Variants in CLASP1 observed in about 807,000 individuals in gnomAD.
CLASP1 encodes the protein cytoplasmic linker associated protein 1, also known as CLIP-associating protein 1.
In CLASP1, 38 loss-of-function variants were observed where a neutral mutation model predicts 192.3. The observed-to-expected ratio is 0.20, with a 90% CI of 0.15 to 0.26. CLASP1 has a LOEUF of 0.26. CLASP1 is among the 10% of genes least tolerant of loss of function. The probability of loss-of-function intolerance (pLI) is 1.00; values close to 1 mark genes in which losing one functional copy is unlikely to be tolerated. For synonymous variants in CLASP1, 691 were observed against 712.8 expected (o/e 0.97, Z 0.49); for missense variants, 1,433 against 1,932.5 (o/e 0.74, Z 4.85).
chr2:121,395,581 C>T (rs573844032), intron 30 of CLASP1, among the ~76,000 whole-genome samples: 1 of 152,322 alleles, frequency 6.6e-6, no homozygotes, highest in South Asian at 2.1e-4. Flanking sequence ...ATTTCTTAAA[C>T]ATGACTACTG....
At position 121,435,448 on chromosome 2, in the gene CLASP1, ATTT is replaced by A. The variant is rs1467740168; in HGVS notation, c.1913-5274_1913-5272del. Among the ~76,000 whole-genome samples, 5 of 151,724 alleles carry A rather than the reference ATTT, an allele frequency of 3.3e-5. No homozygotes were observed. In the South Asian group the frequency reaches 6.3e-4, roughly 19 times the overall value. On this transcript the variant is annotated intron_variant, in intron 19 of 39. Transcript: ENST00000263710. Reference sequence around the variant, plus strand: ...TGCCACCACGACCGGCTAATTTTGTATTTTTAGTAGAGACGGGGTTTCTCCATG... The same window carrying A: ...TGCCACCACGACCGGCTAATTTTGTATTAGTAGAGACGGGGTTTCTCCATG...
At chr2:121,431,992 CTGAT>C (rs1013796106) in intron 19 of CLASP1, among the ~76,000 whole-genome samples, 36 of 152,146 alleles carry the variant, frequency 2.4e-4, no homozygotes, top group African/African-American at 8.0e-4. Flanking sequence ...ATTAAAATGC[CTGAT>C]TGTTTATCAA....
chr2:121,357,121 A>G (rs114438636), intron 37 of CLASP1, among the ~76,000 whole-genome samples: 43 of 152,336 alleles, frequency 2.8e-4, no homozygotes, highest in African/African-American at 1.0e-3. Context: ...CAGCACAAAT[A>G]TAGACGGATT....
chr2:121,356,630 TA>T (rs2065441127), intron 37 of CLASP1, among the ~76,000 whole-genome samples: 1 of 152,262 alleles, frequency 6.6e-6, no homozygotes, highest in South Asian at 2.1e-4. Flanking sequence ...TTTCAGATTA[TA>T]AAATCTTATC....
chr2:121,406,262 A>G (rs941663738), intron 25 of CLASP1, among the ~76,000 whole-genome samples: 10 of 152,246 alleles, frequency 6.6e-5, no homozygotes, highest in Non-Finnish European at 1.3e-4. Flanking sequence ...CTTATTTTAG[A>G]AAATTTATAA....
At chr2:121,391,284 G>A (rs2074294276) in intron 30 of CLASP1, among the ~76,000 whole-genome samples, 2 of 152,122 alleles carry the variant, frequency 1.3e-5, no homozygotes, top group Non-Finnish European at 2.9e-5. Flanking sequence ...CCTTCTCCAG[G>A]ACCAGAGCAG....
intron 7 of CLASP1, among the ~76,000 whole-genome samples, chr2:121,507,235 A>C (rs548852858): frequency 5.9e-5 from 9 of 152,340 alleles, no homozygotes; most frequent in Non-Finnish European, 8.8e-5. Context: ...GAAAAACAAC[A>C]AACAGAAAGA....
intron 23 of CLASP1, among the ~76,000 whole-genome samples, 66 bp downstream of exon 24, chr2:121,414,075 A>T (rs1448629117): frequency 6.6e-6 from 1 of 152,230 alleles, no homozygotes; most frequent in African/African-American, 2.4e-5. Context: ...ATGAAAACAA[A>T]TGTTGACATG....
intron 23 of CLASP1, among the ~76,000 whole-genome samples, chr2:121,412,370 G>T (rs1192225458): frequency 2.0e-5 from 3 of 151,788 alleles, no homozygotes; most frequent in Non-Finnish European, 2.9e-5. Context: ...AACTAAGAAA[G>T]GCCATTAAAA....
intron 2 of CLASP1, among the ~76,000 whole-genome samples, chr2:121,573,736 T>C (rs1025838624): frequency 3.3e-5 from 5 of 152,216 alleles, no homozygotes; most frequent in Admixed American, 6.5e-5. Flanking sequence ...TGTTACCATT[T>C]TGGGAAACTG....
intron 35 of CLASP1, 60 bp downstream of exon 36, chr2:121,367,528 C>T (rs2304663): frequency 0.086 from 138,073 of 1,604,012 alleles, 7,495 homozygotes; most frequent in African/African-American, 0.22. Context: ...GCTGGCCAGA[C>T]GGGAGGGAGC....
chr2:121,536,954 C>T (rs899843987), intron 2 of CLASP1, among the ~76,000 whole-genome samples: 2 of 152,098 alleles, frequency 1.3e-5, no homozygotes, highest in Non-Finnish European at 2.9e-5. Context: ...GTATGTCTTA[C>T]TACAATTAGA....
At chr2:121,356,309 T>G (rs1174103343) in intron 37 of CLASP1, among the ~76,000 whole-genome samples, 1 of 152,190 alleles carries the variant, frequency 6.6e-6, no homozygotes, top group Non-Finnish European at 1.5e-5. Flanking sequence ...GACCCTGAGT[T>G]TAAGTATCCA....
At chr2:121,432,325 G>T (rs917191786) in intron 19 of CLASP1, among the ~76,000 whole-genome samples, 1 of 152,054 alleles carries the variant, frequency 6.6e-6, no homozygotes, top group African/African-American at 2.4e-5. Flanking sequence ...GACCATGTTG[G>T]CCAGGCTGGT....
At chr2:121,599,271 C>T (rs943766605) in intron 2 of CLASP1, among the ~76,000 whole-genome samples, 4 of 151,212 alleles carry the variant, frequency 2.6e-5, no homozygotes, top group Non-Finnish European at 5.9e-5. Flanking sequence ...AATTACTTCT[C>T]CATTCTCTTT....
At chr2:121,408,560 T>C (rs2077240870) in intron 24 of CLASP1, among the ~76,000 whole-genome samples, 1 of 152,234 alleles carries the variant, frequency 6.6e-6, no homozygotes, top group Admixed American at 6.5e-5. Flanking sequence ...ATATGGCGTA[T>C]TATTGTTAAT....
chr2:121,357,271 GACA>G (rs2149198149), intron 37 of CLASP1, among the ~76,000 whole-genome samples: 2 of 152,210 alleles, frequency 1.3e-5, no homozygotes, highest in East Asian at 1.9e-4. Flanking sequence ...TTAAAAACTT[GACA>G]ACAATTCTAT....
At chr2:121,545,202 C>T (rs979604708) in intron 2 of CLASP1, among the ~76,000 whole-genome samples, 1 of 152,176 alleles carries the variant, frequency 6.6e-6, no homozygotes, top group Non-Finnish European at 1.5e-5. Context: ...GTGTTAGCCA[C>T]TGCACCCGGC....
At position 121,463,086 on chromosome 2, in the gene CLASP1, CATG is replaced by C. The variant is rs557196786; in HGVS notation, c.866-484_866-482del. On this transcript the variant is annotated intron_variant, in intron 9 of 39. Transcript: ENST00000263710. ...GAAAACATTTCTATTTCCTTGAACT[CATG>C]ATAACTGTCATTTTTTTCACTTAAG... is the stretch of plus-strand genomic sequence containing the variant. Among the ~76,000 whole-genome samples, 308 of 152,276 alleles carry C rather than the reference CATG, an allele frequency of 2.0e-3. 1 individual carries two copies. Among genetic ancestry groups the C allele is most frequent in the African/African-American group, 7.1e-3 (294 of 41,562 alleles).
Sources: gnomAD v4.1 joint callset for allele counts (sites outside exome capture counted in the v4.1 genomes callset) on GRCh38, gnomAD v4.1.1 for gene constraint, MANE v1.5 for transcripts, NCBI Gene and HGNC (gene_info 2026-07-23, HGNC 2026-07-21) for gene names.